Variants in SYN3 observed in about 807,000 individuals in gnomAD.
The protein encoded by SYN3 is synapsin III.
SYN3 carries 35 observed loss-of-function variants against 65.8 expected under a neutral mutation model. The observed-to-expected ratio is 0.53, with a 90% CI of 0.41 to 0.70. SYN3 has a LOEUF of 0.70. Ranked by LOEUF, SYN3 falls within the 30% of genes least tolerant of loss-of-function variation. SYN3 has a pLI of 0.00. For missense variants in SYN3, 680 were observed against 749.0 expected (o/e 0.91, Z 1.08); for synonymous variants, 270 against 292.9 (o/e 0.92, Z 0.80).
At chr22:32,830,767 G>A (rs1461631076) in intron 6 of SYN3, among the ~76,000 whole-genome samples, 5 of 152,062 alleles carry the variant, frequency 3.3e-5, no homozygotes, top group African/African-American at 7.2e-5. Context: ...CACATGGACC[G>A]TGAGTGTATC....
intron 4 of SYN3, among the ~76,000 whole-genome samples, chr22:32,895,753 C>T (rs1054286375): frequency 1.1e-4 from 17 of 152,192 alleles, no homozygotes; most frequent in African/African-American, 3.4e-4. Context: ...AACCGACAAA[C>T]ATTTCCAAGT....
At chr22:32,758,127 C>A (rs1270738065) in intron 6 of SYN3, among the ~76,000 whole-genome samples, 1 of 152,126 alleles carries the variant, frequency 6.6e-6, no homozygotes, top group African/African-American at 2.4e-5. Context: ...TTCATATCAG[C>A]ATTTAAATAT....
At chr22:32,542,144 C>A (rs931679909) in intron 7 of SYN3, among the ~76,000 whole-genome samples, 10 of 152,048 alleles carry the variant, frequency 6.6e-5, no homozygotes, top group African/African-American at 2.4e-4. Context: ...GGATTTTTAG[C>A]CTGAATTTTC....
intron 8 of SYN3, among the ~76,000 whole-genome samples, chr22:32,540,706 C>T (rs1428513654): frequency 6.6e-6 from 1 of 152,206 alleles, no homozygotes; most frequent in Admixed American, 6.5e-5. Flanking sequence ...TTTCCTTTTC[C>T]TCTAGATTCA....
chr22:32,713,626 C>T (rs771528420), intron 6 of SYN3, among the ~76,000 whole-genome samples: 4 of 152,076 alleles, frequency 2.6e-5, no homozygotes, highest in African/African-American at 2.4e-5. Context: ...GTCAGGAGAT[C>T]GAGACCATCC....
At chr22:32,789,908 T>G (rs2046280765) in intron 6 of SYN3, among the ~76,000 whole-genome samples, 1 of 152,218 alleles carries the variant, frequency 6.6e-6, no homozygotes, top group South Asian at 2.1e-4. Context: ...ATTGTCTTAA[T>G]AATATTGACA....
chr22:32,556,470 C>T (rs945815520), intron 7 of SYN3, among the ~76,000 whole-genome samples: 2 of 152,160 alleles, frequency 1.3e-5, no homozygotes, highest in African/African-American at 2.4e-5. Context: ...GAAACTACTT[C>T]GGCCATTAAT....
At chr22:32,943,976 T>C (rs1189291959) in intron 3 of SYN3, among the ~76,000 whole-genome samples, 1 of 152,076 alleles carries the variant, frequency 6.6e-6, no homozygotes, top group Non-Finnish European at 1.5e-5. Context: ...ACAAAGAGAC[T>C]TAGACTCCCA....
intron 5 of SYN3, among the ~76,000 whole-genome samples, chr22:32,868,223 C>T (rs901623004): frequency 6.6e-6 from 1 of 151,950 alleles, no homozygotes; most frequent in African/African-American, 2.4e-5. Flanking sequence ...CAATATGGTG[C>T]ATCTTTATGA....
chr22:32,750,544 A>G (rs903835161), intron 6 of SYN3, among the ~76,000 whole-genome samples: 1 of 152,178 alleles, frequency 6.6e-6, no homozygotes, highest in Non-Finnish European at 1.5e-5. Context: ...AGACATGGCA[A>G]TGACTTAGAC....
rs536016032 is a variant in SYN3 at position 32,561,055 on chromosome 22, A to G, written c.775-19342T>C. On this transcript the variant is annotated intron_variant, in intron 7 of 13. Transcript: ENST00000358763. Reference sequence around the variant, plus strand: ...TCCTCAGCCCACCCACAAATGGGAAAGCCTGCGGAGGAGCAGTTGTGCCCA... The same window carrying G: ...TCCTCAGCCCACCCACAAATGGGAAGGCCTGCGGAGGAGCAGTTGTGCCCA... Among the ~76,000 whole-genome samples, 4 of 152,316 alleles carry G rather than the reference A, an allele frequency of 2.6e-5. No individual in the cohort carries two copies. In the South Asian group the frequency reaches 6.2e-4, roughly 24 times the overall value.
intron 6 of SYN3, among the ~76,000 whole-genome samples, chr22:32,831,232 A>T (rs986788982): frequency 6.6e-6 from 1 of 151,902 alleles, no homozygotes; most frequent in Non-Finnish European, 1.5e-5. Flanking sequence ...TTTTTCTGAG[A>T]CTCTCAAAGA....
At chr22:32,854,793 T>G (rs2048319108) in intron 6 of SYN3, among the ~76,000 whole-genome samples, 1 of 152,082 alleles carries the variant, frequency 6.6e-6, no homozygotes. Context: ...TTGGCAAGCC[T>G]TGGGGGAGAA....
intron 6 of SYN3, among the ~76,000 whole-genome samples, chr22:32,780,955 T>TTCCTTCCG (rs2046035603): frequency 1.2e-5 from 1 of 81,268 alleles, no homozygotes; most frequent in African/African-American, 4.0e-5. Flanking sequence ...CCTTCCTTCC[T>TTCCTTCCG]TCCTTCCTTC....
Position 32,573,838 on chromosome 22 carries a change from C to T in SYN3, c.774+22836G>A, listed in dbSNP as rs180808445. ...AGGCTGGAGTGCAGTGGTGTGATCT[C>T]GGCTCACTGCATCCTCCGCCTCCCA... On this transcript the variant is annotated intron_variant, in intron 7 of 13. Transcript: ENST00000358763. 6.1e-4 allele frequency among the ~76,000 whole-genome samples: 88 copies of T among 144,778 alleles called. 1 individual carries two copies. Among genetic ancestry groups the T allele is most frequent in the African/African-American group, 2.1e-3 (83 of 38,816 alleles). 95.0% of individuals were successfully genotyped at this position (144,778 alleles called of 152,430 possible).
At chr22:32,806,833 T>C (rs564417650) in intron 6 of SYN3, among the ~76,000 whole-genome samples, 1 of 152,290 alleles carries the variant, frequency 6.6e-6, no homozygotes, top group East Asian at 1.9e-4. Flanking sequence ...AGTAAAATCC[T>C]TTCTGATTAC....
chr22:32,900,233 G>A (rs1039821739), intron 4 of SYN3, among the ~76,000 whole-genome samples: 13 of 152,206 alleles, frequency 8.5e-5, no homozygotes, highest in African/African-American at 2.4e-4. Flanking sequence ...CTTGAGGCAA[G>A]AGAGAGCTGA....
Position 32,739,379 on chromosome 22 carries a change from T to C in SYN3, c.711+125536A>G, listed in dbSNP as rs1203205492. 3.6e-3 allele frequency among the ~76,000 whole-genome samples: 523 copies of C among 147,066 alleles called. 3 individuals are homozygous for C. The highest frequency in any genetic ancestry group is 0.011 in the East Asian group (58 of 5,062). On this transcript the variant is annotated intron_variant, in intron 6 of 13. Coordinates refer to ENST00000358763, the MANE Select transcript of SYN3 (RefSeq NM_003490.4). Reference sequence around the variant, plus strand: ...CTGTGAGTCCATTAAACCCCCCCTTTTTTTTTTTTTTATAAATTACCCAGT... The same window carrying C: ...CTGTGAGTCCATTAAACCCCCCCTTCTTTTTTTTTTTATAAATTACCCAGT...
intron 7 of SYN3, among the ~76,000 whole-genome samples, chr22:32,543,892 T>A (rs1353351098): frequency 6.6e-6 from 1 of 152,178 alleles, no homozygotes; most frequent in Admixed American, 6.5e-5. Context: ...GGAAGCTGCA[T>A]GTTGAGGATG....
Sources: allele counts gnomAD v4.1 joint callset (sites outside exome capture counted in the v4.1 genomes callset), GRCh38; gene constraint gnomAD v4.1.1; transcripts MANE v1.5; gene names NCBI Gene and HGNC (gene_info 2026-07-23, HGNC 2026-07-21).